NFYC: variants seen among roughly 807,000 people sequenced by gnomAD.
NFYC encodes the protein CAAT box DNA-binding protein subunit C.
A neutral mutation model predicts 53.1 loss-of-function variants in NFYC; 25 were observed. That is an observed-to-expected ratio of 0.47 (90% CI 0.34 to 0.66). The LOEUF (loss-of-function observed/expected upper bound fraction) is 0.66, where lower values mean the gene tolerates loss of function less well. Ranked by LOEUF, NFYC falls within the 30% of genes least tolerant of loss-of-function variation. The probability of loss-of-function intolerance (pLI) is 0.01; values close to 1 mark genes in which losing one functional copy is unlikely to be tolerated. For synonymous variants in NFYC, 145 were observed against 152.6 expected, an observed-to-expected ratio of 0.95 and a Z score of 0.37; for missense variants, 260 against 422.7, an observed-to-expected ratio of 0.62 and a Z score of 3.38.
At chr1:40,763,335 G>C (rs761258483) in intron 7 of NFYC, 1 of 463,690 alleles carries the variant, frequency 2.2e-6, no homozygotes, top group Admixed American at 2.3e-5. Context: ...TATATCACAC[G>C]CATGCATAAT....
chr1:40,719,512 T>A (rs962114983), intron 1 of NFYC, among the ~76,000 whole-genome samples: 1 of 152,252 alleles, frequency 6.6e-6, no homozygotes, highest in Non-Finnish European at 1.5e-5. Flanking sequence ...ATCTCCACTT[T>A]TGTTTGGTAG....
intron 5 of NFYC, 38 bp from the exon 6 acceptor site, chr1:40,758,083 T>C (rs1015742899): frequency 8.1e-6 from 13 of 1,609,982 alleles, no homozygotes; most frequent in Non-Finnish European, 1.1e-5. Context: ...GCTGAGTTGG[T>C]TCTTTTCCTC....
intron 1 of NFYC, among the ~76,000 whole-genome samples, chr1:40,702,987 T>C (rs1643514280): frequency 6.6e-6 from 1 of 152,086 alleles, no homozygotes; most frequent in African/African-American, 2.4e-5. Context: ...CAGCTACTTT[T>C]TGTATTTTTA....
In NFYC at chr1:40,753,256, G is replaced by A; in HGVS notation, c.387+10G>A. On this transcript the variant is annotated intron_variant, in intron 5 of 9. Coordinates refer to ENST00000447388, the MANE Select transcript of NFYC (RefSeq NM_014223.5). Reference sequence around the variant, plus strand: ...ACCTCCAAAGCGTCAGGTGAGCTGTGAAGGGATTGCAGTTGCTGCTGACTG... The same window carrying A: ...ACCTCCAAAGCGTCAGGTGAGCTGTAAAGGGATTGCAGTTGCTGCTGACTG... The A allele has an allele frequency of 1.2e-6, 2 of 1,603,442 alleles. No individual in the cohort carries two copies. Among genetic ancestry groups the A allele is most frequent in the South Asian group, 1.1e-5 (1 of 90,848 alleles).
intron 5 of NFYC, among the ~76,000 whole-genome samples, 163 bp downstream of exon 5, chr1:40,753,409 G>A (rs376337737): frequency 3.3e-5 from 5 of 152,112 alleles, no homozygotes; most frequent in African/African-American, 1.2e-4. Flanking sequence ...CTCATTTCTG[G>A]ATACTTTTAA....
intron 8 of NFYC, chr1:40,769,113 T>G: frequency 4.4e-6 from 2 of 459,130 alleles, no homozygotes; most frequent in Non-Finnish European, 8.1e-6. Flanking sequence ...ATTAGAGAGA[T>G]GGGTGTGGGA....
rs970402554 is a variant in NFYC, at chr1:40,770,018, C to T, written c.888+603C>T. Among the ~76,000 whole-genome samples the T allele has an allele frequency of 6.6e-6, 1 of 152,240 alleles. No homozygotes were observed. Among genetic ancestry groups the T allele is most frequent in the African/African-American group, 2.4e-5 (1 of 41,472 alleles). On this transcript the variant is annotated intron_variant, in intron 9 of 9. Transcript: ENST00000447388. This position sits in a 1 kb window ranked among gnomAD's most constrained non-coding sequence, Gnocchi z 5.3. ...GAAGAGCTGGCATCAGGACCCACCT[C>T]TGGCTTCTGCCAGCACCACATGCTA...
chr1:40,695,105 G>C (rs1055573175), intron 1 of NFYC, among the ~76,000 whole-genome samples: 2 of 152,094 alleles, frequency 1.3e-5, no homozygotes, highest in East Asian at 3.9e-4. Context: ...CTGGCATGGT[G>C]GTGGGCGCCT....
At chr1:40,758,642 T>C (rs1646364990) in intron 6 of NFYC, among the ~76,000 whole-genome samples, 1 of 152,204 alleles carries the variant, frequency 6.6e-6, no homozygotes, top group South Asian at 2.1e-4. Context: ...TGTGTGTCTG[T>C]GTGAGAAGTG....
At chr1:40,711,026 A>G (rs1403699928) in intron 1 of NFYC, among the ~76,000 whole-genome samples, 4 of 152,224 alleles carry the variant, frequency 2.6e-5, no homozygotes, top group Non-Finnish European at 5.9e-5. Flanking sequence ...ATAGGGCTGC[A>G]TTCATTCTCT....
At chr1:40,711,523 G>C (rs966325478) in intron 1 of NFYC, among the ~76,000 whole-genome samples, 4 of 152,156 alleles carry the variant, frequency 2.6e-5, no homozygotes, top group African/African-American at 4.8e-5. Context: ...GAACTTTGTG[G>C]ATTTGGCTTC....
At chr1:40,758,373 A>G in intron 6 of NFYC, 79 bp downstream of exon 6, 1 of 1,426,578 alleles carries the variant, frequency 7.0e-7, no homozygotes, top group Admixed American at 2.5e-5. Flanking sequence ...TGATGAGGGC[A>G]GAGAGGCAGC....
chr1:40,700,499 G>A (rs1190379630), intron 1 of NFYC, among the ~76,000 whole-genome samples: 1 of 152,018 alleles, frequency 6.6e-6, no homozygotes, highest in Non-Finnish European at 1.5e-5. Flanking sequence ...GTAGTACCAT[G>A]CCTGCCCAGC....
intron 2 of NFYC, among the ~76,000 whole-genome samples, chr1:40,743,687 G>A (rs796300169): frequency 4.2e-4 from 64 of 152,302 alleles, no homozygotes; most frequent in African/African-American, 1.5e-3. Flanking sequence ...CAAGAACTTG[G>A]TGATGAAGGT....
chr1:40,728,940 C>G lies in NFYC; in HGVS notation c.-8-9896C>G, dbSNP rs1644643990. On this transcript the variant is annotated intron_variant, in intron 1 of 9. Coordinates refer to ENST00000447388, the MANE Select transcript of NFYC (RefSeq NM_014223.5). ...GGCGTGAGCCACTGCTCCCAGCCTCCATCAGTTTTTGGATGACCAGGTATA... is the reference window on the plus strand; with the variant it reads ...GGCGTGAGCCACTGCTCCCAGCCTCGATCAGTTTTTGGATGACCAGGTATA... Among the ~76,000 whole-genome samples, 3 of 152,164 alleles carry G rather than the reference C, an allele frequency of 2.0e-5. 1 individual carries two copies. In the South Asian group the frequency reaches 6.2e-4, roughly 31 times the overall value.
chr1:40,693,453 C>T (rs562535978), intron 1 of NFYC, among the ~76,000 whole-genome samples: 16 of 152,230 alleles, frequency 1.1e-4, no homozygotes, highest in African/African-American at 3.9e-4. Context: ...TTAGATGGTA[C>T]TCTTCTGTTT....
chr1:40,766,964 A>T (rs1646843265), intron 8 of NFYC: 2 of 1,552,170 alleles, frequency 1.3e-6, no homozygotes, highest in Non-Finnish European at 1.7e-6. Context: ...TGCCTGAAAG[A>T]AACCTTACAG....
chr1:40,719,759 T>C (rs776694593), intron 1 of NFYC, among the ~76,000 whole-genome samples: 15 of 152,214 alleles, frequency 9.9e-5, no homozygotes, highest in Non-Finnish European at 1.5e-4. Context: ...TCTGTTGTTA[T>C]CAATTCTAAA....
rs746987545 is a variant in NFYC, at chr1:40,763,102, A to C, written c.720+56A>C. 39 of 1,417,882 alleles carry C rather than the reference A, an allele frequency of 2.8e-5. 2 individuals carry two copies. In the Middle Eastern group the frequency reaches 7.6e-4, roughly 28 times the overall value. 87.8% of individuals were successfully genotyped at this position (1,417,882 alleles called of 1,614,324 possible). On this transcript the variant is annotated intron_variant, in intron 7 of 9. Coordinates refer to ENST00000447388, the MANE Select transcript of NFYC (RefSeq NM_014223.5). ...ACTTTATAGAAGGAAATACTTAAAG[A>C]TATATATACCTTGATATATATATGT...
Sources: allele counts gnomAD v4.1 joint callset (sites outside exome capture counted in the v4.1 genomes callset), GRCh38; gene constraint gnomAD v4.1.1; non-coding constraint Gnocchi (gnomAD v3.1); transcripts MANE v1.5; gene names NCBI Gene and HGNC (gene_info 2026-07-23, HGNC 2026-07-21).